The following GRIN2B variants were observed in gnomAD, a reference collection of about 807,000 sequenced individuals.
GRIN2B encodes the protein glutamate ionotropic receptor NMDA type subunit 2B.
A neutral mutation model predicts 114.5 loss-of-function variants in GRIN2B; 5 were observed. The ratio of observed to expected loss-of-function variants is 0.04; its 90% CI spans 0.02 to 0.09. The LOEUF (loss-of-function observed/expected upper bound fraction) is 0.09, where lower values mean the gene tolerates loss of function less well. Ranked by LOEUF, GRIN2B falls within the 10% of genes least tolerant of loss-of-function variation. The pLI, the probability that GRIN2B is intolerant of heterozygous loss-of-function variation, is 1.00. For missense variants in GRIN2B, 1,108 were observed against 1,943.5 expected, an observed-to-expected ratio of 0.57 and a Z score of 8.08; for synonymous variants, 787 against 745.1, an observed-to-expected ratio of 1.06 and a Z score of -0.92.
intron 3 of GRIN2B, among the ~76,000 whole-genome samples, chr12:13,755,229 T>C (rs944096078): frequency 1.3e-5 from 2 of 152,166 alleles, no homozygotes; most frequent in African/African-American, 4.8e-5. Flanking sequence ...TTCAGGAACA[T>C]ATTGTTGTGC....
intron 2 of GRIN2B, among the ~76,000 whole-genome samples, chr12:13,893,311 T>A (rs1182069423): frequency 6.6e-6 from 1 of 152,032 alleles, no homozygotes; most frequent in African/African-American, 2.4e-5. Context: ...CCTGTGCTGG[T>A]GAAAAATGAT....
At chr12:13,569,756 G>T in intron 12 of GRIN2B, 74 bp downstream of exon 12, 2 of 940,470 alleles carry the variant, frequency 2.1e-6, no homozygotes, top group South Asian at 1.7e-5. Flanking sequence ...AGAAATGGAA[G>T]AAAAGGAAAG....
At chr12:13,971,979 C>G (rs1293899789) in intron 2 of GRIN2B, among the ~76,000 whole-genome samples, 1 of 152,162 alleles carries the variant, frequency 6.6e-6, no homozygotes, top group Non-Finnish European at 1.5e-5. Flanking sequence ...CTCCACTAAT[C>G]ATAGAACAGT....
At chr12:13,713,585 T>C (rs1331641680) in intron 4 of GRIN2B, among the ~76,000 whole-genome samples, 1 of 151,930 alleles carries the variant, frequency 6.6e-6, no homozygotes, top group Non-Finnish European at 1.5e-5. Context: ...ACGTTCTTAA[T>C]AGAACAAGAA....
At chr12:13,591,795 A>C (rs1257474400) in intron 10 of GRIN2B, among the ~76,000 whole-genome samples, 2 of 152,170 alleles carry the variant, frequency 1.3e-5, no homozygotes, top group Non-Finnish European at 2.9e-5. Context: ...TTTGGACTGC[A>C]ATTTTCAATA....
chr12:13,750,501 C>T (rs1169636469), intron 4 of GRIN2B, among the ~76,000 whole-genome samples: 3 of 152,178 alleles, frequency 2.0e-5, no homozygotes, highest in African/African-American at 4.8e-5. Context: ...TTTAAGGTAA[C>T]ATTCACTTGA....
At chr12:13,920,138 C>T (rs1007622495) in intron 2 of GRIN2B, among the ~76,000 whole-genome samples, 1 of 151,750 alleles carries the variant, frequency 6.6e-6, no homozygotes, top group African/African-American at 2.4e-5. Flanking sequence ...GTGGCTTACA[C>T]CTGTAATCCC....
intron 4 of GRIN2B, among the ~76,000 whole-genome samples, chr12:13,714,972 C>T (rs1166951949): frequency 1.3e-5 from 2 of 151,764 alleles, no homozygotes; most frequent in Non-Finnish European, 2.9e-5. Context: ...AAATTAGGTG[C>T]CAACCACCTG....
intron 3 of GRIN2B, among the ~76,000 whole-genome samples, chr12:13,808,752 AAT>A (rs10548365): frequency 0.26 from 28,494 of 109,662 alleles, 3,408 homozygotes; most frequent in Non-Finnish European, 0.32. Flanking sequence ...ATAAAAAAAA[AAT>A]ATATATATAT....
At chr12:13,636,990 C>A (rs1949671399) in intron 5 of GRIN2B, among the ~76,000 whole-genome samples, 1 of 152,020 alleles carries the variant, frequency 6.6e-6, no homozygotes, top group Non-Finnish European at 1.5e-5. Flanking sequence ...GAAACAGACT[C>A]ACAGAGAAAA....
At chr12:13,580,068 A>G (rs1033232976) in intron 10 of GRIN2B, among the ~76,000 whole-genome samples, 3 of 152,228 alleles carry the variant, frequency 2.0e-5, no homozygotes, top group African/African-American at 7.2e-5. Context: ...GGAGAGGAGC[A>G]GATTCTGAAA....
At chr12:13,908,966 G>A (rs1399825068) in intron 2 of GRIN2B, among the ~76,000 whole-genome samples, 1 of 152,170 alleles carries the variant, frequency 6.6e-6, no homozygotes, top group Non-Finnish European at 1.5e-5. Context: ...GTAAAGAGTG[G>A]AGTGACCCGA....
chr12:13,720,475 A>G (rs1244264515), intron 4 of GRIN2B, among the ~76,000 whole-genome samples: 1 of 152,082 alleles, frequency 6.6e-6, no homozygotes, highest in Non-Finnish European at 1.5e-5. Context: ...GTGACTGTTC[A>G]CCAACAGTGC....
chr12:13,877,406 C>A (rs1210517754), intron 2 of GRIN2B, among the ~76,000 whole-genome samples: 2 of 152,194 alleles, frequency 1.3e-5, no homozygotes, highest in East Asian at 1.9e-4. Flanking sequence ...CATCATTATT[C>A]CTACCAGTGT....
intron 5 of GRIN2B, among the ~76,000 whole-genome samples, chr12:13,648,348 T>G (rs928479848): frequency 6.6e-6 from 1 of 151,902 alleles, no homozygotes; most frequent in South Asian, 2.1e-4. Context: ...TCCAGTAGCA[T>G]AGAGAAGTAT....
Position 13,547,981 on chromosome 12 carries a change from A to ATATATATATATATATATATATATTTTTTT in GRIN2B, c.*14801_*14802insAAAAAAATATATATATATATATATATATA. The stretch of plus-strand genomic sequence containing the variant: ...TGTGTATATATATATATATATATAT[A>ATATATATATATATATATATATATTTTTTT]TTTTTTTTTTTTTTCTGAAAGCTAC... On this transcript the variant is annotated 3_prime_UTR_variant, in exon 14 of 14. Coordinates refer to ENST00000609686, the MANE Select transcript of GRIN2B (RefSeq NM_000834.5). The ATATATATATATATATATATATATTTTTTT allele has an allele frequency of 7.3e-5, 5 of 68,570 alleles. No individual in the cohort carries two copies. Among genetic ancestry groups the ATATATATATATATATATATATATTTTTTT allele is most frequent in the African/African-American group, 2.3e-4 (5 of 21,742 alleles). The allele number at this position is 68,570 out of a possible 1,614,324, so 4.2% of individuals were successfully genotyped here.
intron 5 of GRIN2B, among the ~76,000 whole-genome samples, chr12:13,647,666 G>C (rs1949774046): frequency 6.6e-6 from 1 of 152,038 alleles, no homozygotes; most frequent in Admixed American, 6.6e-5. Flanking sequence ...GAAAGGGGCT[G>C]AATAGAATAG....
Position 13,922,582 on chromosome 12 carries a change from A to T in GRIN2B, c.-18-56356T>A, listed in dbSNP as rs1866842151. Among the ~76,000 whole-genome samples, 3 of 152,360 alleles carry T rather than the reference A, an allele frequency of 2.0e-5. No homozygotes were observed. The South Asian group carries it at 6.2e-4, about 32-fold the overall frequency. On this transcript the variant is annotated intron_variant, in intron 2 of 13. Transcript: ENST00000609686. ...GGCAAATGAATAATTATCAACGATAATGTACACAGGCAGAGGAATGCCTGG... is the reference window on the plus strand; with the variant it reads ...GGCAAATGAATAATTATCAACGATATTGTACACAGGCAGAGGAATGCCTGG...
intron 4 of GRIN2B, among the ~76,000 whole-genome samples, chr12:13,725,809 GC>G (rs762431458): frequency 1.3e-5 from 2 of 152,100 alleles, no homozygotes; most frequent in Non-Finnish European, 2.9e-5. Flanking sequence ...TTCTGATGCT[GC>G]CAGAATGAAG....
Sources: allele counts gnomAD v4.1 joint callset (sites outside exome capture counted in the v4.1 genomes callset), GRCh38; gene constraint gnomAD v4.1.1; transcripts MANE v1.5; gene names NCBI Gene and HGNC (gene_info 2026-07-23, HGNC 2026-07-21).